COG5: variants seen among roughly 807,000 people sequenced by gnomAD.
COG5 encodes component of oligomeric golgi complex 5.
In COG5, 86 loss-of-function variants were observed where a neutral mutation model predicts 110.4. The observed-to-expected ratio is 0.78, with a 90% CI of 0.65 to 0.93. The LOEUF (loss-of-function observed/expected upper bound fraction) is 0.93. Among genes scored for constraint, COG5 ranks in the 40% least tolerant of loss-of-function variants. COG5 has a pLI of 0.00. For missense variants in COG5, 1,077 were observed against 987.0 expected, an observed-to-expected ratio of 1.09 and a Z score of -1.22; for synonymous variants, 360 against 334.6, an observed-to-expected ratio of 1.08 and a Z score of -0.83.
At chr7:107,261,244 A>G (rs1349256627) in intron 14 of COG5, among the ~76,000 whole-genome samples, 2 of 152,108 alleles carry the variant, frequency 1.3e-5, no homozygotes, top group Non-Finnish European at 2.9e-5. Context: ...AAACAGTACA[A>G]GGAATACTGT....
At chr7:107,534,895 C>T (rs1377927485) in intron 5 of COG5, among the ~76,000 whole-genome samples, 1 of 151,600 alleles carries the variant, frequency 6.6e-6, no homozygotes, top group African/African-American at 2.4e-5. Context: ...AGCACTTATT[C>T]TAAAATTGGC....
intron 12 of COG5, among the ~76,000 whole-genome samples, chr7:107,284,376 T>C (rs527312510): frequency 6.6e-6 from 1 of 152,340 alleles, no homozygotes; most frequent in East Asian, 1.9e-4. Flanking sequence ...TTGTAAATCA[T>C]ACCTATAGAG....
In COG5 at chr7:107,445,313, TTAAG is replaced by T. The variant is rs1166310652; in HGVS notation, c.539-32685_539-32682del. Among the ~76,000 whole-genome samples the T allele has an allele frequency of 2.6e-5, 4 of 152,202 alleles. No individual in the cohort carries two copies. The East Asian group carries it at 7.7e-4, about 29-fold the overall frequency. ...TAAAACCATACACATTTCTAAAGGT[TTAAG>T]TAAGAGAGAATAGCATAATTCCTCA... On this transcript the variant is annotated intron_variant, in intron 6 of 21. Transcript: ENST00000297135.
intron 6 of COG5, among the ~76,000 whole-genome samples, chr7:107,476,827 T>C (rs1417153785): frequency 6.6e-6 from 1 of 151,696 alleles, no homozygotes; most frequent in Admixed American, 6.6e-5. Flanking sequence ...TTCAATAATA[T>C]ATCACTTTTA....
At position 107,509,028 on chromosome 7, in the gene COG5, T is replaced by G. The variant is rs1306910287; in HGVS notation, c.538+18209A>C. Among the ~76,000 whole-genome samples the G allele has an allele frequency of 2.0e-5, 3 of 152,012 alleles. No individual in the cohort carries two copies. In the East Asian group the frequency reaches 5.8e-4, roughly 30 times the overall value. On this transcript the variant is annotated intron_variant, in intron 6 of 21. Coordinates refer to ENST00000297135, the MANE Select transcript of COG5 (RefSeq NM_006348.5). ...AAGGAACGCAGCTCCTCACCAGCAA[T>G]GGAACAAAGCTGGAAGGAGAATGAC...
At chr7:107,450,913 C>T (rs1427307193) in intron 6 of COG5, among the ~76,000 whole-genome samples, 1 of 152,134 alleles carries the variant, frequency 6.6e-6, no homozygotes, top group Non-Finnish European at 1.5e-5. Context: ...GTTCAACATC[C>T]AGGGCATCAA....
chr7:107,517,664 C>G (rs1054753244), intron 6 of COG5, among the ~76,000 whole-genome samples: 1 of 151,606 alleles, frequency 6.6e-6, no homozygotes, highest in Admixed American at 6.6e-5. Flanking sequence ...AGAAACTCTA[C>G]AAGCCAGAAG....
chr7:107,384,471 G>A (rs1815399401), intron 7 of COG5, among the ~76,000 whole-genome samples: 1 of 152,142 alleles, frequency 6.6e-6, no homozygotes, highest in Non-Finnish European at 1.5e-5. Flanking sequence ...TGCCGGGCAG[G>A]AAGCACTGTA....
intron 18 of COG5, among the ~76,000 whole-genome samples, chr7:107,231,838 T>TAAA (rs1554398017): frequency 6.6e-6 from 1 of 151,792 alleles, no homozygotes; most frequent in Non-Finnish European, 1.5e-5. Flanking sequence ...TCAAATTTAA[T>TAAA]GAAGGGGATA....
At chr7:107,222,496 G>A (rs1800013160) in intron 19 of COG5, among the ~76,000 whole-genome samples, 1 of 152,080 alleles carries the variant, frequency 6.6e-6, no homozygotes, top group Non-Finnish European at 1.5e-5. Flanking sequence ...GAGCCACCAC[G>A]CCCAGCCTCA....
chr7:107,279,422 T>C lies in COG5; in HGVS notation c.1575+1878A>G, dbSNP rs75742558. 8.2e-3 allele frequency among the ~76,000 whole-genome samples: 1,251 copies of C among 152,284 alleles called. 6 individuals carry two copies. The highest frequency in any genetic ancestry group is 0.026 in the East Asian group (134 of 5,192). Reference sequence around the variant, plus strand: ...CTTCCATTTATAGGCAGAGTAGTTATCCAATTCAAAAATCTGTTTCAAGTC... The same window carrying C: ...CTTCCATTTATAGGCAGAGTAGTTACCCAATTCAAAAATCTGTTTCAAGTC... On this transcript the variant is annotated intron_variant, in intron 14 of 21. Transcript: ENST00000297135.
chr7:107,522,258 C>T (rs972314290), intron 6 of COG5, among the ~76,000 whole-genome samples: 17 of 152,218 alleles, frequency 1.1e-4, no homozygotes, highest in Admixed American at 3.9e-4. Context: ...CACCTGAAGT[C>T]AGGAGTTCAA....
intron 16 of COG5, among the ~76,000 whole-genome samples, chr7:107,255,256 C>T (rs1802798820): frequency 6.6e-6 from 1 of 151,894 alleles, no homozygotes; most frequent in Non-Finnish European, 1.5e-5. Context: ...CATATGCCAA[C>T]CTTACTAAAA....
At chr7:107,524,678 G>C (rs1036333063) in intron 6 of COG5, among the ~76,000 whole-genome samples, 3 of 152,092 alleles carry the variant, frequency 2.0e-5, no homozygotes, top group African/African-American at 7.2e-5. Context: ...CTACAGTGGT[G>C]AATAAAAAAG....
At chr7:107,530,475 C>T (rs1801116701) in intron 5 of COG5, among the ~76,000 whole-genome samples, 1 of 152,010 alleles carries the variant, frequency 6.6e-6, no homozygotes, top group Non-Finnish European at 1.5e-5. Flanking sequence ...GTGGCATATG[C>T]CTGTAATCCC....
chr7:107,322,745 C>T (rs1377487294), intron 11 of COG5, among the ~76,000 whole-genome samples: 1 of 152,078 alleles, frequency 6.6e-6, no homozygotes, highest in African/African-American at 2.4e-5. Context: ...AGAGAAGGAA[C>T]ACATATGTCC....
At chr7:107,210,675 C>A in intron 20 of COG5, 70 bp from the exon 21 acceptor site, 1 of 1,481,474 alleles carries the variant, frequency 6.8e-7, no homozygotes, top group Non-Finnish European at 9.2e-7. Context: ...AGTGCTGGTT[C>A]GAAAAGCACT....
intron 7 of COG5, among the ~76,000 whole-genome samples, chr7:107,409,185 G>A (rs1304925190): frequency 1.5e-5 from 2 of 132,760 alleles, no homozygotes; most frequent in African/African-American, 5.9e-5. Flanking sequence ...AAGGAAGTAA[G>A]CAGAAATTGT....
chr7:107,322,774 T>C (rs1399665888), intron 11 of COG5, among the ~76,000 whole-genome samples: 3 of 152,218 alleles, frequency 2.0e-5, no homozygotes, highest in Non-Finnish European at 4.4e-5. Context: ...GATATATGTA[T>C]GTAAATAACT....
Sources: gnomAD v4.1 joint callset for allele counts (sites outside exome capture counted in the v4.1 genomes callset) on GRCh38, gnomAD v4.1.1 for gene constraint, MANE v1.5 for transcripts, NCBI Gene and HGNC (gene_info 2026-07-23, HGNC 2026-07-21) for gene names.